DNAH11: variants seen among roughly 807,000 people sequenced by gnomAD.
DNAH11 encodes the protein dynein axonemal heavy chain 11, also known as axonemal beta dynein heavy chain 11.
In DNAH11, 442 loss-of-function variants were observed where a neutral mutation model predicts 526.0. The ratio of observed to expected loss-of-function variants is 0.84; its 90% CI spans 0.78 to 0.91. The LOEUF (loss-of-function observed/expected upper bound fraction) is 0.91, where lower values mean the gene tolerates loss of function less well. Among genes scored for constraint, DNAH11 ranks in the 40% least tolerant of loss-of-function variants. The pLI, the probability that DNAH11 is intolerant of heterozygous loss-of-function variation, is 0.00. For missense variants in DNAH11, 6,989 were observed against 5,448.7 expected (o/e 1.28, Z -8.90); for synonymous variants, 2,461 against 1,935.9 (o/e 1.27, Z -7.12).
intron 30 of DNAH11, among the ~76,000 whole-genome samples, chr7:21,662,629 C>T (rs1583573176): frequency 6.6e-6 from 1 of 151,940 alleles, no homozygotes; most frequent in Non-Finnish European, 1.5e-5. Context: ...TTAAAAGGTA[C>T]TTTCTTAGCA....
At chr7:21,786,852 G>A (rs538249870) in intron 59 of DNAH11, 85 bp downstream of exon 59, 3 of 1,523,508 alleles carry the variant, frequency 2.0e-6, no homozygotes, top group East Asian at 2.3e-5. Flanking sequence ...AGCAAAAGAT[G>A]TTTAAGTCAG....
intron 43 of DNAH11, among the ~76,000 whole-genome samples, chr7:21,719,975 A>C (rs1784813251): frequency 6.6e-6 from 1 of 152,234 alleles, no homozygotes; most frequent in Non-Finnish European, 1.5e-5. Flanking sequence ...AGGCCTCTGC[A>C]GCAGCCGCAT....
chr7:21,690,010 G>A (rs1783544985), intron 34 of DNAH11, among the ~76,000 whole-genome samples: 1 of 152,136 alleles, frequency 6.6e-6, no homozygotes, highest in Non-Finnish European at 1.5e-5. Context: ...ATCTTTCACT[G>A]TTTCTCCAGT....
chr7:21,880,565 G>A, intron 74 of DNAH11, 137 bp from the exon 75 acceptor site: 1 of 812,632 alleles, frequency 1.2e-6, no homozygotes. Context: ...GCTTCTCATT[G>A]GATAAGTAGC....
At chr7:21,827,719 C>T (rs1331800286) in intron 65 of DNAH11, among the ~76,000 whole-genome samples, 1 of 151,852 alleles carries the variant, frequency 6.6e-6, no homozygotes, top group Non-Finnish European at 1.5e-5. Flanking sequence ...ACTAGATTTC[C>T]TGAAAGTTAT....
intron 28 of DNAH11, among the ~76,000 whole-genome samples, chr7:21,651,224 A>G (rs1781751719): frequency 6.6e-6 from 1 of 152,200 alleles, no homozygotes; most frequent in African/African-American, 2.4e-5. Flanking sequence ...TGTATATTTT[A>G]TCCCATTAAT....
intron 42 of DNAH11, among the ~76,000 whole-genome samples, chr7:21,712,504 G>T (rs573110206): frequency 6.6e-6 from 1 of 152,112 alleles, no homozygotes; most frequent in Non-Finnish European, 1.5e-5. Flanking sequence ...AGTGTACAAG[G>T]CTTCTAATCT....
chr7:21,573,821 A>G (rs943126558), intron 8 of DNAH11, among the ~76,000 whole-genome samples: 2 of 152,170 alleles, frequency 1.3e-5, no homozygotes, highest in African/African-American at 4.8e-5. Context: ...ATAACAGGGA[A>G]GTGTGTCAGG....
chr7:21,790,489 G>A (rs78642945), intron 61 of DNAH11, among the ~76,000 whole-genome samples: 1 of 152,108 alleles, frequency 6.6e-6, no homozygotes, highest in Non-Finnish European at 1.5e-5. Flanking sequence ...AATGAATATT[G>A]TATGTACTAC....
chr7:21,595,224 G>C (rs1316672304), intron 14 of DNAH11, among the ~76,000 whole-genome samples: 1 of 152,176 alleles, frequency 6.6e-6, no homozygotes, highest in Non-Finnish European at 1.5e-5. Context: ...AAGTTCCCCT[G>C]GGCCTGTTTC....
rs923471274 is a variant in DNAH11 at position 21,814,349 on chromosome 7, A to AT, written c.10333-2108dup. ...CAAAATTTATTTTATTTATTTATTTATTTTTTTTTTATTTTTTTATTTTTA... is the reference window on the plus strand; with the variant it reads ...CAAAATTTATTTTATTTATTTATTTATTTTTTTTTTTATTTTTTTATTTTTA... On this transcript the variant is annotated intron_variant, in intron 63 of 81. Transcript: ENST00000409508. 3.9e-3 allele frequency among the ~76,000 whole-genome samples: 554 copies of AT among 143,282 alleles called. 11 individuals are homozygous for AT. The highest frequency in any genetic ancestry group is 0.03 in the Admixed American group (439 of 14,834). 94.0% of individuals were successfully genotyped at this position (143,282 alleles called of 152,430 possible). A position where few individuals can be genotyped will look rare whatever the true frequency, so the allele number is the denominator to read the frequency against.
chr7:21,839,376 C>A (rs931240430), intron 65 of DNAH11, among the ~76,000 whole-genome samples: 1 of 151,978 alleles, frequency 6.6e-6, no homozygotes, highest in Non-Finnish European at 1.5e-5. Flanking sequence ...AGTTTGAGAC[C>A]AGCCTGGACA....
chr7:21,654,855 A>G (rs576349653), intron 28 of DNAH11, among the ~76,000 whole-genome samples: 2 of 152,206 alleles, frequency 1.3e-5, no homozygotes, highest in South Asian at 2.1e-4. Context: ...TACACAACAC[A>G]TGTCATTCTC....
In DNAH11 at chr7:21,770,238, A is replaced by G. The variant is rs535923211; in HGVS notation, c.9103-3528A>G. ...TTTTGATTTTGGAATATTTGCATTT[A>G]CATAATGAGATATCATGGGGATGGG... On this transcript the variant is annotated intron_variant, in intron 55 of 81. Coordinates refer to ENST00000409508, the MANE Select transcript of DNAH11 (RefSeq NM_001277115.2). Among the ~76,000 whole-genome samples the G allele has an allele frequency of 6.6e-5, 10 of 152,332 alleles. No homozygotes were observed. In the South Asian group the frequency reaches 2.1e-3, roughly 32 times the overall value.
chr7:21,769,182 T>C (rs1583675150), intron 55 of DNAH11, among the ~76,000 whole-genome samples: 2 of 152,340 alleles, frequency 1.3e-5, no homozygotes, highest in African/African-American at 2.4e-5. Flanking sequence ...TTAAGTCTTA[T>C]ACTGGCTTAA....
chr7:21,561,005 A>G, intron 4 of DNAH11, 66 bp from the exon 5 acceptor site: 4 of 1,058,596 alleles, frequency 3.8e-6, no homozygotes, highest in South Asian at 1.5e-5. Flanking sequence ...ATTTTATTAC[A>G]GAATGCATGT....
At chr7:21,544,501 A>AC (rs1482494465) in intron 1 of DNAH11, among the ~76,000 whole-genome samples, 3 of 152,356 alleles carry the variant, frequency 2.0e-5, no homozygotes, top group African/African-American at 7.2e-5. Flanking sequence ...TACCTAAGTT[A>AC]AATAGTTATT....
rs746553522 is a variant in DNAH11 at position 21,773,685 on chromosome 7, A to G, written c.9103-81A>G. On this transcript the variant is annotated intron_variant, in intron 55 of 81. Transcript: ENST00000409508. ...TTTTTTTCTGACTTTTAGAAAAAAA[A>G]TGATCATTTACTTGATTTTTTTTAA... The G allele has an allele frequency of 1.8e-4, 182 of 1,038,670 alleles. 2 individuals carry two copies. The highest frequency in any genetic ancestry group is 2.2e-4 in the Non-Finnish European group (171 of 771,706). 64.3% of individuals were successfully genotyped at this position (1,038,670 alleles called of 1,614,324 possible). A position where few individuals can be genotyped will look rare whatever the true frequency, so the allele number is the denominator to read the frequency against.
chr7:21,752,773 C>T (rs1390034543), intron 54 of DNAH11, among the ~76,000 whole-genome samples: 1 of 152,152 alleles, frequency 6.6e-6, no homozygotes, highest in Non-Finnish European at 1.5e-5. Context: ...AATGCAATGG[C>T]ATGATCTGAG....
Sources: allele counts gnomAD v4.1 joint callset (sites outside exome capture counted in the v4.1 genomes callset), GRCh38; gene constraint gnomAD v4.1.1; transcripts MANE v1.5; gene names NCBI Gene and HGNC (gene_info 2026-07-23, HGNC 2026-07-21).